Variants in OPCML observed in about 807,000 individuals in gnomAD.
OPCML encodes the protein opioid binding protein/cell adhesion molecule like.
OPCML carries 13 observed loss-of-function variants against 37.8 expected under a neutral mutation model. That is an observed-to-expected ratio of 0.34 (90% CI 0.22 to 0.55). OPCML has a LOEUF of 0.55. OPCML is among the 20% of genes least tolerant of loss of function. The pLI is 0.91. For missense variants in OPCML, 341 were observed against 435.6 expected (o/e 0.78, Z 1.93); for synonymous variants, 176 against 168.8 (o/e 1.04, Z -0.33).
intron 1 of OPCML, among the ~76,000 whole-genome samples, chr11:133,505,488 C>T (rs1459527185): frequency 6.6e-6 from 1 of 152,204 alleles, no homozygotes; most frequent in East Asian, 1.9e-4. Flanking sequence ...TTCCTCCTCC[C>T]TCAATCTGCT....
At chr11:133,405,602 C>T (rs1945508158) in intron 1 of OPCML, among the ~76,000 whole-genome samples, 1 of 152,162 alleles carries the variant, frequency 6.6e-6, no homozygotes, top group Non-Finnish European at 1.5e-5. Flanking sequence ...TTCAGCCTCT[C>T]TCCTGAACTG....
chr11:133,493,982 C>T (rs548335218), intron 1 of OPCML, among the ~76,000 whole-genome samples: 64 of 149,670 alleles, frequency 4.3e-4, no homozygotes, highest in Non-Finnish European at 6.5e-4. Context: ...GGCCAATATC[C>T]AGAATCAACA....
chr11:132,507,289 C>A (rs1236348385), intron 4 of OPCML, among the ~76,000 whole-genome samples: 1 of 151,880 alleles, frequency 6.6e-6, no homozygotes, highest in Non-Finnish European at 1.5e-5. Flanking sequence ...TTTAGAGAAG[C>A]AAACAATGCA....
chr11:133,418,318 C>A (rs1179151330), intron 1 of OPCML: 3 of 985,186 alleles, frequency 3.0e-6, no homozygotes, highest in Admixed American at 1.2e-4. Context: ...AGTCATAATG[C>A]AGACTAGATT....
In OPCML at chr11:133,512,335, T is replaced by C. The variant is rs527422729; in HGVS notation, c.61+19929A>G. ...TTGCTTACATTTTACCCACTTGTTA[T>C]AAAACACGTTACAAAGGCTACAGAT... On this transcript the variant is annotated intron_variant, in intron 1 of 7. Transcript: ENST00000524381. Among the ~76,000 whole-genome samples, 12 of 152,344 alleles carry C rather than the reference T, an allele frequency of 7.9e-5. No homozygotes were observed. In the South Asian group the frequency reaches 2.5e-3, roughly 32 times the overall value.
chr11:132,888,069 A>G (rs551310987), intron 2 of OPCML, among the ~76,000 whole-genome samples: 10 of 152,282 alleles, frequency 6.6e-5, no homozygotes, highest in Non-Finnish European at 1.2e-4. Flanking sequence ...AGTGTGGAAG[A>G]GAAATTACTG....
At chr11:132,454,729 A>G (rs1206033526) in intron 4 of OPCML, among the ~76,000 whole-genome samples, 1 of 152,094 alleles carries the variant, frequency 6.6e-6, no homozygotes, top group Non-Finnish European at 1.5e-5. Context: ...AATCTAGCCT[A>G]CTCTATGGGA....
chr11:132,753,545 T>G (rs1945914302), intron 2 of OPCML, among the ~76,000 whole-genome samples: 1 of 152,198 alleles, frequency 6.6e-6, no homozygotes, highest in South Asian at 2.1e-4. Context: ...TAAATAGATG[T>G]GTACCCATTA....
chr11:133,083,687 T>C (rs1166182322), intron 1 of OPCML, among the ~76,000 whole-genome samples: 1 of 152,232 alleles, frequency 6.6e-6, no homozygotes, highest in Non-Finnish European at 1.5e-5. Flanking sequence ...GATATTCCTT[T>C]GGAACACGGC....
chr11:133,219,954 A>G (rs1356028114), intron 1 of OPCML, among the ~76,000 whole-genome samples: 1 of 152,218 alleles, frequency 6.6e-6, no homozygotes, highest in Non-Finnish European at 1.5e-5. Flanking sequence ...GCTCATGCCA[A>G]CCAGATCCTG....
At chr11:132,871,524 C>T (rs935483647) in intron 2 of OPCML, among the ~76,000 whole-genome samples, 3 of 152,208 alleles carry the variant, frequency 2.0e-5, no homozygotes, top group African/African-American at 7.2e-5. Flanking sequence ...ATAAGAGAGA[C>T]TTGAGCATTC....
intron 1 of OPCML, among the ~76,000 whole-genome samples, chr11:133,178,995 TC>T (rs1203811122): frequency 6.6e-6 from 1 of 152,138 alleles, no homozygotes; most frequent in Non-Finnish European, 1.5e-5. Context: ...AGGCAAAAGC[TC>T]TTTTCTCCAT....
intron 1 of OPCML, among the ~76,000 whole-genome samples, chr11:133,158,456 CTT>C (rs1950095308): frequency 6.6e-6 from 1 of 151,976 alleles, no homozygotes; most frequent in Admixed American, 6.6e-5. Context: ...AATACCAGCA[CTT>C]TGGGAGGCTG....
chr11:132,761,261 G>T (rs1051152222), intron 2 of OPCML, among the ~76,000 whole-genome samples: 1 of 137,322 alleles, frequency 7.3e-6, no homozygotes, highest in African/African-American at 2.8e-5. Context: ...TTTCAACCTT[G>T]GTAAATCTGG....
At chr11:132,868,393 G>A (rs1365292528) in intron 2 of OPCML, among the ~76,000 whole-genome samples, 1 of 145,936 alleles carries the variant, frequency 6.9e-6, no homozygotes, top group Non-Finnish European at 1.5e-5. Flanking sequence ...AAAATGTTGT[G>A]AATTATCAGG....
rs191224432 is a variant in OPCML, at chr11:133,021,960, G to A, written c.62-78950C>T. Among the ~76,000 whole-genome samples the A allele has an allele frequency of 1.4e-4, 22 of 152,328 alleles. No individual in the cohort carries two copies. In the East Asian group the frequency reaches 4.1e-3, roughly 28 times the overall value. ...ACATGCAGTGATCTGAATACACATG[G>A]ATAGGTCAAACAGAAGGAAAGTAAA... On this transcript the variant is annotated intron_variant, in intron 1 of 7. Coordinates refer to ENST00000524381, the MANE Select transcript of OPCML (RefSeq NM_001012393.5).
At chr11:132,998,075 C>T (rs539240175) in intron 1 of OPCML, among the ~76,000 whole-genome samples, 10 of 152,258 alleles carry the variant, frequency 6.6e-5, no homozygotes, top group South Asian at 2.1e-4. Context: ...GAATGTCCTG[C>T]GGCTGCCTGC....
At chr11:133,301,852 A>G (rs1324233909) in intron 1 of OPCML, 1 of 152,166 alleles carries the variant, frequency 6.6e-6, no homozygotes, top group African/African-American at 2.4e-5. Context: ...ATTTCAGCCA[A>G]TGACATCTTC....
intron 1 of OPCML, among the ~76,000 whole-genome samples, chr11:133,041,095 C>T (rs894995391): frequency 6.6e-6 from 1 of 152,166 alleles, no homozygotes; most frequent in South Asian, 2.1e-4. Context: ...CAGATTGTTA[C>T]TTAATCCCCA....
Sources: gnomAD v4.1 joint callset for allele counts (sites outside exome capture counted in the v4.1 genomes callset) on GRCh38, gnomAD v4.1.1 for gene constraint, MANE v1.5 for transcripts, NCBI Gene and HGNC (gene_info 2026-07-23, HGNC 2026-07-21) for gene names.